The following VWA3B variants were observed in gnomAD, a reference collection of about 807,000 sequenced individuals.
VWA3B encodes the protein von Willebrand factor A domain containing 3B, also known as von Willebrand factor A domain-containing protein 3B.
A neutral mutation model predicts 158.3 loss-of-function variants in VWA3B; 138 were observed. The observed-to-expected ratio is 0.87, with a 90% CI of 0.76 to 1.00. VWA3B has a LOEUF of 1.00. Among genes scored for constraint, VWA3B ranks in the 50% least tolerant of loss-of-function variants. The probability of loss-of-function intolerance (pLI) is 0.00; values close to 1 mark genes in which losing one functional copy is unlikely to be tolerated. For synonymous variants in VWA3B, 596 were observed against 587.3 expected (o/e 1.01, Z -0.21); for missense variants, 1,555 against 1,565.1 (o/e 0.99, Z 0.11).
At chr2:98,169,715 CTG>C (rs61535424) in intron 8 of VWA3B, among the ~76,000 whole-genome samples, 13,664 of 134,018 alleles carry the variant, frequency 0.1, 721 homozygotes, top group South Asian at 0.19. Flanking sequence ...CCTGGGCATT[CTG>C]TGTGTGTGTG....
intron 24 of VWA3B, among the ~76,000 whole-genome samples, chr2:98,298,600 G>T (rs1689989725): frequency 6.6e-6 from 1 of 152,198 alleles, no homozygotes; most frequent in Non-Finnish European, 1.5e-5. Context: ...GCCCAAATGT[G>T]CATTCCATAG....
At chr2:98,107,962 G>T (rs1459303667) in intron 2 of VWA3B, among the ~76,000 whole-genome samples, 1 of 151,456 alleles carries the variant, frequency 6.6e-6, no homozygotes, top group South Asian at 2.1e-4. Context: ...TTTGATTATT[G>T]ATTTGAGATT....
At chr2:98,252,873 C>T (rs1686886469) in intron 20 of VWA3B, among the ~76,000 whole-genome samples, 1 of 152,010 alleles carries the variant, frequency 6.6e-6, no homozygotes, top group African/African-American at 2.4e-5. Flanking sequence ...CTGGAAAAGC[C>T]TTTTAGTACC....
At chr2:98,178,235 T>C (rs1680176373) in intron 8 of VWA3B, among the ~76,000 whole-genome samples, 2 of 152,162 alleles carry the variant, frequency 1.3e-5, no homozygotes, top group Admixed American at 1.3e-4. Flanking sequence ...TGTTTTGTGA[T>C]TCATGGAAAA....
chr2:98,273,146 A>T (rs1688309297), intron 22 of VWA3B, among the ~76,000 whole-genome samples: 2 of 152,366 alleles, frequency 1.3e-5, no homozygotes. Flanking sequence ...TGTTCACCAC[A>T]TTATAGTCTA....
In VWA3B at chr2:98,164,905, C is replaced by G. The variant is rs367745784; in HGVS notation, c.1114+1929C>G. Among the ~76,000 whole-genome samples, 85 of 152,238 alleles carry G rather than the reference C, an allele frequency of 5.6e-4. 1 individual carries two copies. The East Asian group carries it at 0.01, about 19-fold the overall frequency. On this transcript the variant is annotated intron_variant, in intron 8 of 27. Coordinates refer to ENST00000477737, the MANE Select transcript of VWA3B (RefSeq NM_144992.5). ...ACATGAGTTTGGGGGTGAGAAAGAC[C>G]TGGTTATAAATCCCAGCTCCATCAC...
At chr2:98,144,106 T>C (rs1428018204) in intron 7 of VWA3B, among the ~76,000 whole-genome samples, 1 of 152,094 alleles carries the variant, frequency 6.6e-6, no homozygotes. Flanking sequence ...TATATCTCTA[T>C]ATAAGAATAT....
intron 7 of VWA3B, among the ~76,000 whole-genome samples, chr2:98,160,532 C>T (rs572978550): frequency 2.7e-4 from 41 of 152,286 alleles, no homozygotes; most frequent in Non-Finnish European, 4.0e-4. Context: ...GACCAAGAGC[C>T]GACTGGGTTT....
At chr2:98,122,237 G>C (rs1422807297) in intron 5 of VWA3B, 3 of 152,220 alleles carry the variant, frequency 2.0e-5, no homozygotes, top group Non-Finnish European at 4.4e-5. Context: ...GGCCAGCCTG[G>C]ACTCCCTGTG....
chr2:98,254,890 G>A (rs1173533191), intron 20 of VWA3B, among the ~76,000 whole-genome samples: 5 of 152,176 alleles, frequency 3.3e-5, no homozygotes. Context: ...GGAGAATGCA[G>A]CCACCCGAAA....
At chr2:98,219,942 T>C (rs1367124551) in intron 14 of VWA3B, among the ~76,000 whole-genome samples, 1 of 151,816 alleles carries the variant, frequency 6.6e-6, no homozygotes, top group Non-Finnish European at 1.5e-5. Flanking sequence ...GTGGGCAGAT[T>C]GCTTGAGCTC....
chr2:98,200,346 G>T (rs1682426328), intron 12 of VWA3B, among the ~76,000 whole-genome samples: 3 of 152,044 alleles, frequency 2.0e-5, no homozygotes, highest in African/African-American at 7.2e-5. Context: ...TTCAAGACCA[G>T]CCTGGCCAAC....
At chr2:98,220,315 G>A (rs6730951) in intron 14 of VWA3B, among the ~76,000 whole-genome samples, 86,898 of 151,874 alleles carry the variant, frequency 0.57, 25,312 homozygotes, top group South Asian at 0.81. Flanking sequence ...GGAATAAAAA[G>A]CATTGGTAAA....
chr2:98,258,370 AT>A (rs1220915668), intron 21 of VWA3B, among the ~76,000 whole-genome samples: 1 of 151,234 alleles, frequency 6.6e-6, no homozygotes, highest in Non-Finnish European at 1.5e-5. Flanking sequence ...ACATTTGAGG[AT>A]TGGCTTTTCT....
intron 1 of VWA3B, among the ~76,000 whole-genome samples, chr2:98,088,914 C>T (rs974023855): frequency 6.6e-6 from 1 of 151,822 alleles, no homozygotes; most frequent in East Asian, 1.9e-4. Flanking sequence ...TTACCATGCC[C>T]GGCTAATTTT....
At position 98,230,183 on chromosome 2, in the gene VWA3B, C is replaced by T. The variant is rs1685236182; in HGVS notation, c.2284C>T (p.Gln762Ter). 6.3e-7 allele frequency: 1 copy of T among 1,582,486 alleles called. No homozygotes were observed. Among genetic ancestry groups the T allele is most frequent in the Admixed American group, 2.0e-5 (1 of 50,190 alleles). Residue 762 changes from glutamine (Q) to a stop codon, truncating the protein, a stop_gained, in exon 16 of 28, where the codon CAG becomes TAG. Transcript: ENST00000477737. LOFTEE classifies it high-confidence loss of function. ...GPWGLSDQKVQKKKVLHAEST... is the reference protein window; with the variant it reads ...GPWGLSDQKV ...ATGGGGCCTTTCAGATCAAAAGGTT[C>T]AGAAAAAGAAAGTCCTTCACGCAGG... is the stretch of plus-strand genomic sequence containing the variant.
intron 19 of VWA3B, among the ~76,000 whole-genome samples, chr2:98,246,339 C>T (rs559495792): frequency 2.0e-5 from 3 of 152,078 alleles, no homozygotes; most frequent in Admixed American, 2.0e-4. Flanking sequence ...CAGAGATAAA[C>T]CCTAGCATGA....
chr2:98,207,382 A>G, intron 12 of VWA3B: 1 of 480,506 alleles, frequency 2.1e-6, no homozygotes, highest in Non-Finnish European at 4.2e-6. Context: ...CATTGTTGGC[A>G]ATGAGCATAA....
At chr2:98,305,048 A>G (rs1250951344) in intron 26 of VWA3B, among the ~76,000 whole-genome samples, 1 of 152,138 alleles carries the variant, frequency 6.6e-6, no homozygotes, top group African/African-American at 2.4e-5. Context: ...AGCCTGAACC[A>G]GTGAGCTCCG....
Sources: gnomAD v4.1 joint callset for allele counts (sites outside exome capture counted in the v4.1 genomes callset) on GRCh38, gnomAD v4.1.1 for gene constraint, MANE v1.5 for transcripts, NCBI Gene and HGNC (gene_info 2026-07-23, HGNC 2026-07-21) for gene names.